Variants in USP54 observed in about 807,000 individuals in gnomAD.
USP54 encodes the protein ubiquitin carboxyl-terminal hydrolase 54.
USP54 carries 87 observed loss-of-function variants against 170.5 expected under a neutral mutation model. The observed-to-expected ratio is 0.51, with a 90% CI of 0.43 to 0.61. The LOEUF (loss-of-function observed/expected upper bound fraction) is 0.61, where lower values mean the gene tolerates loss of function less well. Among genes scored for constraint, USP54 ranks in the 20% least tolerant of loss-of-function variants. The pLI is 0.00. For missense variants in USP54, 1,786 were observed against 2,047.8 expected (o/e 0.87, Z 2.47); for synonymous variants, 655 against 742.8 (o/e 0.88, Z 1.92).
intron 4 of USP54, among the ~76,000 whole-genome samples, chr10:73,550,453 A>C (rs1342606063): frequency 1.3e-5 from 2 of 152,082 alleles, no homozygotes; most frequent in East Asian, 3.9e-4. Context: ...TCCCTTCCCC[A>C]AACTCCCCAC....
chr10:73,523,144 AG>A (rs1347172433), intron 17 of USP54, among the ~76,000 whole-genome samples: 1 of 152,238 alleles, frequency 6.6e-6, no homozygotes, highest in Non-Finnish European at 1.5e-5. Flanking sequence ...TGGTATCAAA[AG>A]TAAACTGGCT....
intron 4 of USP54, among the ~76,000 whole-genome samples, chr10:73,568,946 T>C (rs2074422278): frequency 6.6e-6 from 1 of 152,190 alleles, no homozygotes; most frequent in Non-Finnish European, 1.5e-5. Flanking sequence ...TAAGTAACAA[T>C]TTGTCCCTCA....
rs577184230 is a variant in USP54, at chr10:73,548,785, G to C, written c.241-3113C>G. On this transcript the variant is annotated intron_variant, in intron 4 of 23. Coordinates refer to ENST00000687698, the MANE Select transcript of USP54 (RefSeq NM_001391956.1). Reference sequence around the variant, plus strand: ...AGGAGAAATATCTAATATAAATGACGAACTGATGGGTGCAGCAAACCAACA... The same window carrying C: ...AGGAGAAATATCTAATATAAATGACCAACTGATGGGTGCAGCAAACCAACA... 2.0e-5 allele frequency among the ~76,000 whole-genome samples: 3 copies of C among 152,096 alleles called. No individual in the cohort carries two copies. The South Asian group carries it at 6.2e-4, about 32-fold the overall frequency.
chr10:73,520,623 C>A (rs148903560), intron 18 of USP54, among the ~76,000 whole-genome samples: 2 of 152,202 alleles, frequency 1.3e-5, no homozygotes, highest in Non-Finnish European at 2.9e-5. Context: ...ACTAATTTCA[C>A]ATCTGAGGTC....
At chr10:73,618,585 A>C (rs922483822) in intron 1 of USP54, among the ~76,000 whole-genome samples, 1 of 149,766 alleles carries the variant, frequency 6.7e-6, no homozygotes, top group Non-Finnish European at 1.5e-5. Context: ...CTCTACTAAA[A>C]GTACAAAAAT....
intron 1 of USP54, among the ~76,000 whole-genome samples, chr10:73,606,921 T>C (rs2132291951): frequency 6.7e-6 from 1 of 148,976 alleles, no homozygotes; most frequent in East Asian, 2.0e-4. Flanking sequence ...AGGCATCAAA[T>C]TCATTACTCC....
chr10:73,573,153 G>A (rs1269581842), intron 3 of USP54, among the ~76,000 whole-genome samples: 2 of 151,982 alleles, frequency 1.3e-5, no homozygotes, highest in Non-Finnish European at 2.9e-5. Flanking sequence ...AGCTGCGTGT[G>A]GTAGCATGTG....
intron 1 of USP54, among the ~76,000 whole-genome samples, chr10:73,585,238 T>C (rs1263464814): frequency 1.3e-5 from 2 of 152,184 alleles, no homozygotes; most frequent in Non-Finnish European, 2.9e-5. Context: ...AAGCAGTCAA[T>C]TGGAACTATT....
chr10:73,592,466 T>C (rs1345107411), upstream of USP54, among the ~76,000 whole-genome samples: 18 of 127,854 alleles, frequency 1.4e-4, no homozygotes, highest in Non-Finnish European at 1.6e-5. Context: ...ACAAGGAAAG[T>C]GCCACAAAAA....
At chr10:73,585,144 T>C (rs1343629471) in intron 1 of USP54, among the ~76,000 whole-genome samples, 2 of 152,226 alleles carry the variant, frequency 1.3e-5, no homozygotes, top group East Asian at 3.8e-4. Flanking sequence ...TTCTCTACCA[T>C]AATTTTTTCT....
chr10:73,563,463 G>A (rs1046394769), intron 4 of USP54, among the ~76,000 whole-genome samples: 1 of 152,020 alleles, frequency 6.6e-6, no homozygotes, highest in Non-Finnish European at 1.5e-5. Context: ...TTGATATGGA[G>A]TTTCGCTCTT....
chr10:73,600,190 C>T (rs1288224682), intron 1 of USP54, among the ~76,000 whole-genome samples: 1 of 152,112 alleles, frequency 6.6e-6, no homozygotes, highest in Non-Finnish European at 1.5e-5. Flanking sequence ...TGAGCAACCG[C>T]GCCCGGCCCA....
chr10:73,583,545 C>T (rs1483228813), intron 1 of USP54, among the ~76,000 whole-genome samples: 1 of 152,144 alleles, frequency 6.6e-6, no homozygotes, highest in Non-Finnish European at 1.5e-5. Flanking sequence ...CTCAGCCTCC[C>T]AAAGTGCTGG....
Position 73,543,000 on chromosome 10 carries a change from G to C in USP54, c.489+18C>G, listed in dbSNP as rs371372368. 5.6e-6 allele frequency: 9 copies of C among 1,611,482 alleles called. No homozygotes were observed. In the African/African-American group the frequency reaches 8.0e-5, roughly 14 times the overall value. On this transcript the variant is annotated intron_variant, in intron 6 of 23. Coordinates refer to ENST00000687698, the MANE Select transcript of USP54 (RefSeq NM_001391956.1). ...GTTCTGGAAGAAATGTCTAAAAAAA[G>C]ATGGAGCTAGAGTTCACCTGCTCAA...
chr10:73,525,620 A>G (rs1218664799), intron 16 of USP54, among the ~76,000 whole-genome samples: 3 of 152,230 alleles, frequency 2.0e-5, no homozygotes, highest in Non-Finnish European at 4.4e-5. Flanking sequence ...ATGTTATTCA[A>G]CATGAAATAA....
intron 17 of USP54, among the ~76,000 whole-genome samples, chr10:73,523,186 T>C (rs1476041901): frequency 6.6e-6 from 1 of 152,210 alleles, no homozygotes; most frequent in African/African-American, 2.4e-5. Flanking sequence ...CAGATCCACT[T>C]CCCTGATGCT....
At chr10:73,586,042 A>T (rs1418761806) in intron 1 of USP54, among the ~76,000 whole-genome samples, 1 of 152,072 alleles carries the variant, frequency 6.6e-6, no homozygotes, top group African/African-American at 2.4e-5. Flanking sequence ...TAATTATAAG[A>T]TAGAATTAAA....
At chr10:73,605,627 G>T (rs1366142009) in intron 1 of USP54, among the ~76,000 whole-genome samples, 1 of 152,118 alleles carries the variant, frequency 6.6e-6, no homozygotes, top group Non-Finnish European at 1.5e-5. Flanking sequence ...TAAGCAAAAT[G>T]TGGTACATAC....
At position 73,617,237 on chromosome 10, in the gene USP54, G is replaced by T. The variant is rs535859759; in HGVS notation, c.-18+8330C>A. 1.3e-5 allele frequency among the ~76,000 whole-genome samples: 2 copies of T among 150,266 alleles called. 1 individual carries two copies. The highest frequency in any genetic ancestry group is 5.0e-5 in the African/African-American group (2 of 39,778). Reference sequence around the variant, plus strand: ...CTTGAAACCAGGAGGTGGAGGTTGCGGTGAGCTGAGATCGCACCATTGCAC... The same window carrying T: ...CTTGAAACCAGGAGGTGGAGGTTGCTGTGAGCTGAGATCGCACCATTGCAC... On this transcript the variant is annotated intron_variant, in intron 1 of 22. Transcript: ENST00000339859.
Sources: allele counts gnomAD v4.1 joint callset (sites outside exome capture counted in the v4.1 genomes callset), GRCh38; gene constraint gnomAD v4.1.1; transcripts MANE v1.5; gene names NCBI Gene and HGNC (gene_info 2026-07-23, HGNC 2026-07-21).